Variants in ERC2 observed in about 807,000 individuals in gnomAD.
The protein encoded by ERC2 is ELKS/RAB6-interacting/CAST family member 2, also known as ERC protein 2.
A neutral mutation model predicts 114.8 loss-of-function variants in ERC2; 42 were observed. The ratio of observed to expected loss-of-function variants is 0.37; its 90% CI spans 0.29 to 0.47. The LOEUF is 0.47. Among genes scored for constraint, ERC2 ranks in the 20% least tolerant of loss-of-function variants. ERC2 has a pLI of 0.99. For synonymous variants in ERC2, 454 were observed against 425.5 expected, an observed-to-expected ratio of 1.07 and a Z score of -0.82; for missense variants, 939 against 1,150.7, an observed-to-expected ratio of 0.82 and a Z score of 2.66.
intron 17 of ERC2, among the ~76,000 whole-genome samples, chr3:55,539,286 A>G (rs1365152843): frequency 2.6e-5 from 4 of 152,122 alleles, no homozygotes; most frequent in Admixed American, 2.6e-4. Flanking sequence ...CACTGAATTG[A>G]ACAAATCCAC....
chr3:55,695,428 C>G (rs1269437320), intron 16 of ERC2, among the ~76,000 whole-genome samples: 1 of 152,192 alleles, frequency 6.6e-6, no homozygotes, highest in Non-Finnish European at 1.5e-5. Flanking sequence ...AAGCTTCTCT[C>G]TCAGGTAGGG....
In ERC2 at chr3:56,149,102, T is replaced by A; in HGVS notation, c.1180A>T (p.Ile394Leu). The A allele has an allele frequency of 6.2e-7, 1 of 1,611,692 alleles. No individual in the cohort carries two copies. The highest frequency in any genetic ancestry group is 8.5e-7 in the Non-Finnish European group (1 of 1,178,810). The part of the protein sequence containing the change: ...DTKIASLERN[I>L]RDLEDEIQML... ...TGGATCTCATCCTCAAGATCCCTTATGTTTCGTTCCAATGAAGCGATTTTT... is the reference window on the plus strand; with the variant it reads ...TGGATCTCATCCTCAAGATCCCTTAAGTTTCGTTCCAATGAAGCGATTTTT... Residue 394 changes from isoleucine (I) to leucine (L), a missense_variant, in exon 5 of 18, where the codon ATA (isoleucine) becomes TTA (leucine). By Grantham distance (5) the Ile-to-Leu change is conservative. Coordinates refer to ENST00000288221, the MANE Select transcript of ERC2 (RefSeq NM_015576.3).
intron 14 of ERC2, among the ~76,000 whole-genome samples, chr3:55,814,129 A>G (rs1344700143): frequency 6.6e-6 from 1 of 152,210 alleles, no homozygotes; most frequent in African/African-American, 2.4e-5. Flanking sequence ...AAAAACAAAA[A>G]TCTAAGTGTA....
chr3:56,258,213 A>G (rs2052652730), intron 3 of ERC2, among the ~76,000 whole-genome samples: 1 of 152,090 alleles, frequency 6.6e-6, no homozygotes, highest in African/African-American at 2.4e-5. Flanking sequence ...TAGACTAGGG[A>G]TTGGTAAATT....
At chr3:55,608,158 G>C (rs2148554038) in intron 17 of ERC2, among the ~76,000 whole-genome samples, 1 of 152,278 alleles carries the variant, frequency 6.6e-6, no homozygotes, top group South Asian at 2.1e-4. Context: ...GTAGTCCAAA[G>C]TAGCTTTCTG....
intron 1 of ERC2, among the ~76,000 whole-genome samples, chr3:56,441,251 C>G (rs2062292253): frequency 6.6e-6 from 1 of 152,170 alleles, no homozygotes; most frequent in Non-Finnish European, 1.5e-5. Context: ...CAAGAGTCAG[C>G]ACCAAAACAC....
At chr3:55,559,400 G>A (rs1032054686) in intron 17 of ERC2, among the ~76,000 whole-genome samples, 2 of 152,260 alleles carry the variant, frequency 1.3e-5, no homozygotes, top group Non-Finnish European at 2.9e-5. Context: ...ATAGCTCCAG[G>A]TGCCTGTAAA....
chr3:56,170,602 T>TTTG (rs1553861444), intron 4 of ERC2, among the ~76,000 whole-genome samples: 4 of 143,654 alleles, frequency 2.8e-5, no homozygotes, highest in African/African-American at 1.1e-4. Flanking sequence ...TTTTTTTTTT[T>TTTG]TTTTTTTTTT....
chr3:55,919,022 T>C (rs1465881969), intron 13 of ERC2, among the ~76,000 whole-genome samples: 2 of 152,068 alleles, frequency 1.3e-5, no homozygotes, highest in African/African-American at 4.8e-5. Flanking sequence ...CACAGCATTG[T>C]TTGCAAAAGG....
chr3:56,317,343 A>G (rs1413070525), intron 2 of ERC2, among the ~76,000 whole-genome samples: 1 of 152,186 alleles, frequency 6.6e-6, no homozygotes, highest in Non-Finnish European at 1.5e-5. Flanking sequence ...AGACAGCTTG[A>G]TGGCTAAACA....
intron 17 of ERC2, among the ~76,000 whole-genome samples, chr3:55,622,191 AAAC>A (rs1286078649): frequency 6.6e-6 from 1 of 152,212 alleles, no homozygotes; most frequent in African/African-American, 2.4e-5. Context: ...TCGATGACCA[AAAC>A]AACACTATTT....
intron 3 of ERC2, among the ~76,000 whole-genome samples, chr3:56,196,036 G>A (rs1037386740): frequency 5.3e-5 from 8 of 152,070 alleles, no homozygotes; most frequent in South Asian, 2.1e-4. Flanking sequence ...ACCAAAGCAC[G>A]AGGAGAGTAT....
intron 17 of ERC2, among the ~76,000 whole-genome samples, chr3:55,532,397 G>A (rs984083883): frequency 2.6e-5 from 4 of 152,048 alleles, no homozygotes; most frequent in Non-Finnish European, 5.9e-5. Context: ...ACTAAGCTGG[G>A]GCTTGTCATG....
chr3:56,436,374 T>C (rs559770833), intron 1 of ERC2, among the ~76,000 whole-genome samples: 3 of 152,312 alleles, frequency 2.0e-5, no homozygotes, highest in South Asian at 2.1e-4. Flanking sequence ...TAGTACCAAA[T>C]AGTCAATAAA....
chr3:56,090,636 T>C (rs750526516), intron 6 of ERC2, among the ~76,000 whole-genome samples: 19 of 152,086 alleles, frequency 1.2e-4, no homozygotes, highest in Non-Finnish European at 2.5e-4. Context: ...ATTGGAAATA[T>C]TATGAATACA....
Position 55,510,780 on chromosome 3 carries a change from C to A in ERC2, c.*536G>T, listed in dbSNP as rs2052019278. On this transcript the variant is annotated 3_prime_UTR_variant, in exon 18 of 18. Coordinates refer to ENST00000288221, the MANE Select transcript of ERC2 (RefSeq NM_015576.3). The stretch of plus-strand genomic sequence containing the variant: ...CATCATGGTATACAAACACTGCCAA[C>A]ACCACTCACTCACAGCGAATTTATA... The A allele has an allele frequency of 6.6e-6, 1 of 152,256 alleles. No individual in the cohort carries two copies. Among genetic ancestry groups the A allele is most frequent in the Non-Finnish European group, 1.5e-5 (1 of 68,034 alleles). The allele number at this position is 152,256 out of a possible 1,614,324, so 9.4% of individuals were successfully genotyped here.
At chr3:56,309,790 C>T (rs1215970657) in intron 2 of ERC2, among the ~76,000 whole-genome samples, 2 of 152,286 alleles carry the variant, frequency 1.3e-5, no homozygotes, top group East Asian at 1.9e-4. Context: ...GAATGCTCCA[C>T]AAATGTTAGC....
At position 56,228,421 on chromosome 3, in the gene ERC2, C is replaced by A. The variant is rs556868037; in HGVS notation, c.1075-54901G>T. Among the ~76,000 whole-genome samples the A allele has an allele frequency of 2.6e-3, 397 of 152,330 alleles. 20 individuals carry two copies. Among genetic ancestry groups the A allele is most frequent in the Admixed American group, 0.026 (395 of 15,286 alleles). ...CATTCTACTTCCTGTCTCTATGAAT[C>A]TGACTGCTCTAAGTACTTCATATAA... On this transcript the variant is annotated intron_variant, in intron 3 of 17. Transcript: ENST00000288221.
chr3:56,169,279 T>C (rs1445908467), intron 4 of ERC2, among the ~76,000 whole-genome samples: 1 of 152,260 alleles, frequency 6.6e-6, no homozygotes, highest in African/African-American at 2.4e-5. Context: ...CCTGATAGTT[T>C]CTGCTATACT....
Sources: gnomAD v4.1 joint callset for allele counts (sites outside exome capture counted in the v4.1 genomes callset) on GRCh38, gnomAD v4.1.1 for gene constraint, MANE v1.5 for transcripts, NCBI Gene and HGNC (gene_info 2026-07-23, HGNC 2026-07-21) for gene names.